DPP10: variants seen among roughly 807,000 people sequenced by gnomAD.
DPP10 encodes the protein dipeptidyl peptidase like 10.
In DPP10, 33 loss-of-function variants were observed where a neutral mutation model predicts 120.9. The observed-to-expected ratio is 0.27, with a 90% CI of 0.21 to 0.37. DPP10 has a LOEUF of 0.37. Ranked by LOEUF, DPP10 falls within the 10% of genes least tolerant of loss-of-function variation. The probability of loss-of-function intolerance (pLI) is 1.00; values close to 1 mark genes in which losing one functional copy is unlikely to be tolerated. For synonymous variants in DPP10, 337 were observed against 326.1 expected (o/e 1.03, Z -0.36); for missense variants, 816 against 942.8 (o/e 0.87, Z 1.76).
At chr2:115,820,648 G>T (rs1189299017) in intron 21 of DPP10, among the ~76,000 whole-genome samples, 1 of 151,984 alleles carries the variant, frequency 6.6e-6, no homozygotes, top group Non-Finnish European at 1.5e-5. Flanking sequence ...CATCCTCATA[G>T]CTTAGCTTCC....
At chr2:115,236,320 G>A (rs1448669705) in intron 1 of DPP10, among the ~76,000 whole-genome samples, 3 of 152,222 alleles carry the variant, frequency 2.0e-5, no homozygotes, top group Non-Finnish European at 4.4e-5. Flanking sequence ...TGTCAGGCAA[G>A]CAAGTTAGTG....
Position 115,409,474 on chromosome 2 carries a change from T to C in DPP10, c.271+65562T>C, listed in dbSNP as rs77742771. Among the ~76,000 whole-genome samples the C allele has an allele frequency of 7.9e-3, 1,207 of 152,262 alleles. 8 individuals carry two copies. Among genetic ancestry groups the C allele is most frequent in the African/African-American group, 0.027 (1,107 of 41,550 alleles). On this transcript the variant is annotated intron_variant, in intron 3 of 25. Transcript: ENST00000410059. ...AAACCACATGCGATACCAACTTACT[T>C]CTGCAAGAATGACCATAATTTAAAA...
chr2:115,691,314 A>T (rs2091302388), intron 7 of DPP10, among the ~76,000 whole-genome samples: 1 of 152,126 alleles, frequency 6.6e-6, no homozygotes, highest in South Asian at 2.1e-4. Context: ...TTTACAATGA[A>T]ATCATACTTC....
intron 1 of DPP10, among the ~76,000 whole-genome samples, chr2:114,719,341 A>C (rs1224269004): frequency 6.6e-6 from 1 of 152,100 alleles, no homozygotes; most frequent in East Asian, 1.9e-4. Flanking sequence ...TCTCACCTTG[A>C]CATTTAGTAG....
intron 5 of DPP10, among the ~76,000 whole-genome samples, chr2:115,664,469 A>G (rs975147772): frequency 9.9e-5 from 15 of 152,114 alleles, no homozygotes; most frequent in Admixed American, 3.3e-4. Flanking sequence ...TATAATTAAC[A>G]ATAATGCTTA....
chr2:115,773,537 T>A (rs1246114189), intron 13 of DPP10, among the ~76,000 whole-genome samples: 3 of 152,150 alleles, frequency 2.0e-5, no homozygotes, highest in Non-Finnish European at 4.4e-5. Flanking sequence ...AAATACATTG[T>A]CATACTGCCT....
chr2:114,525,036 G>T (rs1685382434), intron 1 of DPP10, among the ~76,000 whole-genome samples: 1 of 152,158 alleles, frequency 6.6e-6, no homozygotes, highest in Admixed American at 6.6e-5. Flanking sequence ...TACCCAAAAT[G>T]TGTGTGGAAG....
At chr2:115,535,722 A>C (rs899358849) in intron 5 of DPP10, among the ~76,000 whole-genome samples, 15 of 151,136 alleles carry the variant, frequency 9.9e-5, no homozygotes, top group African/African-American at 1.9e-4. Context: ...CATTTTCACG[A>C]TATTGATTCT....
intron 10 of DPP10, among the ~76,000 whole-genome samples, chr2:115,751,493 A>G (rs1208418121): frequency 2.0e-5 from 3 of 152,198 alleles, no homozygotes; most frequent in African/African-American, 4.8e-5. Context: ...GCAGTTTTCA[A>G]GCAGAGCTCA....
intron 1 of DPP10, among the ~76,000 whole-genome samples, chr2:115,264,271 A>G (rs1048675083): frequency 6.6e-6 from 1 of 152,198 alleles, no homozygotes; most frequent in African/African-American, 2.4e-5. Flanking sequence ...TTGACTAACC[A>G]CCGACAAAAT....
rs3036385 is a variant in DPP10 at position 114,812,583 on chromosome 2, GACAC to G, written c.60+369777_60+369780del. Among the ~76,000 whole-genome samples the G allele has an allele frequency of 7.4e-3, 991 of 134,484 alleles. 11 individuals carry two copies. Among genetic ancestry groups the G allele is most frequent in the African/African-American group, 0.023 (819 of 35,154 alleles). The allele number at this position is 134,484 out of a possible 152,430, so 88.2% of individuals were successfully genotyped here. A position where few individuals can be genotyped will look rare whatever the true frequency, so the allele number is the denominator to read the frequency against. On this transcript the variant is annotated intron_variant, in intron 1 of 25. Transcript: ENST00000410059. ...AGCCTGGGCAACAGGGTGAGACATT[GACAC>G]ACACACACACACACACACACACACA... is the stretch of plus-strand genomic sequence containing the variant.
intron 3 of DPP10, among the ~76,000 whole-genome samples, chr2:115,382,101 C>T (rs2090802): frequency 0.19 from 28,454 of 152,038 alleles, 2,984 homozygotes; most frequent in East Asian, 0.35. Context: ...TGGAGCTTCC[C>T]GGCTGCTTTG....
At chr2:115,073,512 A>C (rs980584702) in intron 1 of DPP10, among the ~76,000 whole-genome samples, 7 of 152,212 alleles carry the variant, frequency 4.6e-5, no homozygotes, top group African/African-American at 1.4e-4. Context: ...GTTCCTTCTA[A>C]ACTTTAAATC....
intron 2 of DPP10, among the ~76,000 whole-genome samples, chr2:115,322,188 G>A (rs2062095824): frequency 6.6e-6 from 1 of 151,486 alleles, no homozygotes; most frequent in African/African-American, 2.4e-5. Context: ...TTTCTGGGTG[G>A]GCTTTTGTTT....
At chr2:115,291,954 A>G (rs1237689554) in intron 1 of DPP10, among the ~76,000 whole-genome samples, 3 of 152,318 alleles carry the variant, frequency 2.0e-5, no homozygotes, top group Admixed American at 2.0e-4. Context: ...TTACATAATC[A>G]GAGAAACCCA....
At chr2:115,270,071 C>CT in intron 1 of DPP10, among the ~76,000 whole-genome samples, 1 of 39,356 alleles carries the variant, frequency 2.5e-5, no homozygotes, top group Non-Finnish European at 5.8e-5. Flanking sequence ...ATACTTCACA[C>CT]ACACACACAC....
At chr2:114,551,960 G>T (rs889404842) in intron 1 of DPP10, among the ~76,000 whole-genome samples, 2 of 152,154 alleles carry the variant, frequency 1.3e-5, no homozygotes, top group African/African-American at 4.8e-5. Flanking sequence ...GGCATGAAAG[G>T]TACCCACTCT....
In DPP10 at chr2:115,054,079, G is replaced by A. The variant is rs372067248; in HGVS notation, c.61-255160G>A. 7.2e-5 allele frequency among the ~76,000 whole-genome samples: 11 copies of A among 152,240 alleles called. No homozygotes were observed. The East Asian group carries it at 2.1e-3, about 29-fold the overall frequency. Reference sequence around the variant, plus strand: ...TATTGTCATAGCTACAAGTAGGATAGAGCAGCTAATATGTTAGGTTCACAG... The same window carrying A: ...TATTGTCATAGCTACAAGTAGGATAAAGCAGCTAATATGTTAGGTTCACAG... On this transcript the variant is annotated intron_variant, in intron 1 of 25. Coordinates refer to ENST00000410059, the MANE Select transcript of DPP10 (RefSeq NM_020868.6).
chr2:114,503,125 C>A (rs1683340516), intron 1 of DPP10, among the ~76,000 whole-genome samples: 1 of 152,206 alleles, frequency 6.6e-6, no homozygotes, highest in Non-Finnish European at 1.5e-5. Context: ...GCACCCTTTG[C>A]AATGGCTCTG....
Sources: gnomAD v4.1 joint callset for allele counts (sites outside exome capture counted in the v4.1 genomes callset) on GRCh38, gnomAD v4.1.1 for gene constraint, MANE v1.5 for transcripts, NCBI Gene and HGNC (gene_info 2026-07-23, HGNC 2026-07-21) for gene names.